The following TLE4 variants were observed in gnomAD, a reference collection of about 807,000 sequenced individuals.
TLE4 encodes the protein transducin-like enhancer protein 4.
A neutral mutation model predicts 92.8 loss-of-function variants in TLE4; 8 were observed. That is an observed-to-expected ratio of 0.09 (90% confidence interval 0.05 to 0.16). TLE4 has a LOEUF of 0.16. Ranked by LOEUF, TLE4 falls within the 10% of genes least tolerant of loss-of-function variation. TLE4 has a pLI of 1.00. For missense variants in TLE4, 675 were observed against 997.6 expected (o/e 0.68, Z 4.36); for synonymous variants, 371 against 374.1 (o/e 0.99, Z 0.10).
chr9:79,712,007 T>G (rs1200995723), intron 14 of TLE4, among the ~76,000 whole-genome samples: 1 of 152,208 alleles, frequency 6.6e-6, no homozygotes, highest in Non-Finnish European at 1.5e-5. Context: ...AGAGTGGCTT[T>G]ATGCACAATT....
chr9:79,623,678 AAC>A lies in TLE4; in HGVS notation c.316-3695_316-3694del, dbSNP rs1384607995. On this transcript the variant is annotated intron_variant, in intron 5 of 19. Transcript: ENST00000376552. ...TTTCAGTAACTTTACAGAGTCGTAT[AAC>A]CATCACCACAATCTAAGGGTTTTTT... Among the ~76,000 whole-genome samples the A allele has an allele frequency of 2.0e-5, 3 of 151,206 alleles. No individual in the cohort carries two copies. In the Admixed American group the frequency reaches 2.0e-4, roughly 10 times the overall value.
intron 6 of TLE4, among the ~76,000 whole-genome samples, chr9:79,628,359 T>C (rs2053237637): frequency 6.6e-6 from 1 of 152,060 alleles, no homozygotes; most frequent in African/African-American, 2.4e-5. Context: ...AAATGCTAAT[T>C]ATTTCGTTTA....
At chr9:79,641,504 T>A (rs1270964835) in intron 6 of TLE4, among the ~76,000 whole-genome samples, 1 of 152,198 alleles carries the variant, frequency 6.6e-6, no homozygotes, top group Non-Finnish European at 1.5e-5. Flanking sequence ...TCTACCCGAC[T>A]TCCCCATTGC....
At chr9:79,633,590 G>T (rs2054896079) in intron 6 of TLE4, among the ~76,000 whole-genome samples, 1 of 152,150 alleles carries the variant, frequency 6.6e-6, no homozygotes, top group Non-Finnish European at 1.5e-5. Context: ...CTGAGCTTAT[G>T]CAGAGGTCTG....
chr9:79,696,874 G>C (rs2068398795), intron 8 of TLE4, among the ~76,000 whole-genome samples: 1 of 152,112 alleles, frequency 6.6e-6, no homozygotes, highest in East Asian at 1.9e-4. Context: ...TAGGTATAAA[G>C]CCAGTGCACC....
At chr9:79,705,365 A>G (rs1324054517) in intron 9 of TLE4, among the ~76,000 whole-genome samples, 1 of 152,168 alleles carries the variant, frequency 6.6e-6, no homozygotes, top group East Asian at 1.9e-4. Context: ...ATTTTCCTTT[A>G]GTGGCTGGGC....
intron 4 of TLE4, among the ~76,000 whole-genome samples, chr9:79,592,135 T>C (rs892679214): frequency 2.7e-5 from 4 of 148,776 alleles, no homozygotes; most frequent in Non-Finnish European, 3.0e-5. Context: ...TTTCTTCTTC[T>C]TTCTTCTTTC....
chr9:79,614,723 A>C (rs1263192894), intron 5 of TLE4, among the ~76,000 whole-genome samples: 1 of 152,194 alleles, frequency 6.6e-6, no homozygotes, highest in Non-Finnish European at 1.5e-5. Flanking sequence ...TGTGGGCCAC[A>C]TGTGGCCCAG....
intron 4 of TLE4, among the ~76,000 whole-genome samples, chr9:79,585,735 A>T (rs1371548710): frequency 6.6e-6 from 1 of 152,008 alleles, no homozygotes; most frequent in African/African-American, 2.4e-5. Context: ...AAGTTACCCA[A>T]TGTGCCTAGG....
chr9:79,662,604 GTT>G (rs1351316646), intron 8 of TLE4, among the ~76,000 whole-genome samples: 2 of 152,154 alleles, frequency 1.3e-5, no homozygotes, highest in Admixed American at 6.5e-5. Context: ...TTTCTAGATG[GTT>G]TCCTAAGATA....
rs114019815 is a variant in TLE4, at chr9:79,642,001, G to T, written c.391-10592G>T. The stretch of plus-strand genomic sequence containing the variant: ...ATAGAAGACTATAGAAAATATTAGC[G>T]TATGTTGCACATAGTAGTGTTTGGT... On this transcript the variant is annotated intron_variant, in intron 6 of 19. Transcript: ENST00000376552. Among the ~76,000 whole-genome samples the T allele has an allele frequency of 6.1e-3, 926 of 151,212 alleles. 6 individuals carry two copies. The highest frequency in any genetic ancestry group is 0.021 in the African/African-American group (851 of 41,104).
chr9:79,718,365 A>C, intron 14 of TLE4, among the ~76,000 whole-genome samples: 1 of 152,218 alleles, frequency 6.6e-6, no homozygotes, highest in East Asian at 1.9e-4. Context: ...GCAGGTTTAT[A>C]GGGCATCCCT....
chr9:79,691,254 G>A (rs1376908361), intron 8 of TLE4, among the ~76,000 whole-genome samples: 1 of 152,034 alleles, frequency 6.6e-6, no homozygotes, highest in South Asian at 2.1e-4. Context: ...AGTAAAGTAG[G>A]GGCACCAAAA....
chr9:79,592,574 T>C, intron 4 of TLE4, among the ~76,000 whole-genome samples: 1 of 152,140 alleles, frequency 6.6e-6, no homozygotes, highest in Non-Finnish European at 1.5e-5. Flanking sequence ...TGAGCCACTG[T>C]GCCCAGCCAG....
intron 6 of TLE4, among the ~76,000 whole-genome samples, chr9:79,648,541 C>T (rs2058451169): frequency 1.3e-5 from 2 of 151,792 alleles, no homozygotes; most frequent in African/African-American, 4.8e-5. Flanking sequence ...CTAAAAGGTG[C>T]AGAAGGATAT....
chr9:79,579,167 A>G (rs1336257039), intron 4 of TLE4, among the ~76,000 whole-genome samples: 2 of 152,182 alleles, frequency 1.3e-5, no homozygotes, highest in African/African-American at 4.8e-5. Context: ...TTTGTTTTGT[A>G]TGAGACAGCT....
chr9:79,626,903 A>G (rs1272042358), intron 5 of TLE4, among the ~76,000 whole-genome samples: 1 of 152,176 alleles, frequency 6.6e-6, no homozygotes, highest in Non-Finnish European at 1.5e-5. Flanking sequence ...ATGTTGCATT[A>G]TGTATGTCCT....
chr9:79,592,183 C>CTCTTCT lies in TLE4; in HGVS notation c.252+16033_252+16038dup, dbSNP rs57278935. 3.3e-3 allele frequency among the ~76,000 whole-genome samples: 440 copies of CTCTTCT among 135,340 alleles called. 1 individual carries two copies. The highest frequency in any genetic ancestry group is 0.026 in the East Asian group (122 of 4,724). 88.8% of individuals were successfully genotyped at this position (135,340 alleles called of 152,430 possible). Reference sequence around the variant, plus strand: ...CTTCTTCTTCTTCCTCTTCCTCTTCCTCTTCTTCTTCTTCTTCTTCTTCTT... The same window carrying CTCTTCT: ...CTTCTTCTTCTTCCTCTTCCTCTTCCTCTTCTTCTTCTTCTTCTTCTTCTTCTTCTT... On this transcript the variant is annotated intron_variant, in intron 4 of 19. Coordinates refer to ENST00000376552, the MANE Select transcript of TLE4 (RefSeq NM_007005.6).
At chr9:79,702,118 C>T (rs1261783364) in intron 8 of TLE4, among the ~76,000 whole-genome samples, 2 of 152,040 alleles carry the variant, frequency 1.3e-5, no homozygotes, top group East Asian at 1.9e-4. Context: ...ACAGGTGCAA[C>T]GAAAATACAC....
Sources: allele counts gnomAD v4.1 joint callset (sites outside exome capture counted in the v4.1 genomes callset), GRCh38; gene constraint gnomAD v4.1.1; transcripts MANE v1.5; gene names NCBI Gene and HGNC (gene_info 2026-07-23, HGNC 2026-07-21).